Variants in OPRD1 observed in about 807,000 individuals in gnomAD.
The protein encoded by OPRD1 is opioid receptor delta 1.
In OPRD1, 19 loss-of-function variants were observed where a neutral mutation model predicts 17.5. The ratio of observed to expected loss-of-function variants is 1.09; its 90% CI spans 0.76 to 1.60. OPRD1 has a LOEUF of 1.60. Ranked by LOEUF, OPRD1 falls within the 40% of genes most tolerant of loss-of-function variation. The pLI, the probability that OPRD1 is intolerant of heterozygous loss-of-function variation, is 0.00. For missense variants in OPRD1, 483 were observed against 547.2 expected (o/e 0.88, Z 1.17); for synonymous variants, 256 against 240.9 (o/e 1.06, Z -0.58).
chr1:28,821,274 T>C (rs2088710587), intron 1 of OPRD1, among the ~76,000 whole-genome samples: 1 of 152,096 alleles, frequency 6.6e-6, no homozygotes, highest in African/African-American at 2.4e-5. Context: ...GGCTAATTTT[T>C]GTATTTTTAG....
Position 28,867,059 on chromosome 1 carries a change from G to A in OPRD1, c.*3776G>A, listed in dbSNP as rs533571147. 6 of 149,986 alleles carry A rather than the reference G, an allele frequency of 4.0e-5. No individual in the cohort carries two copies. The Admixed American group carries it at 4.0e-4, about 10-fold the overall frequency. The allele number at this position is 149,986 out of a possible 1,614,324, so 9.3% of individuals were successfully genotyped here. On this transcript the variant is annotated 3_prime_UTR_variant, in exon 3 of 3. Transcript: ENST00000234961. ...CTCTGTTGCCCAGTCTGGAGTGCAA[G>A]TGCAGTGGTGCAGTCATAGCTCACT...
chr1:28,870,178 A>T lies in OPRD1; in HGVS notation c.*6895A>T, dbSNP rs2089204446. 6.6e-6 allele frequency: 1 copy of T among 151,570 alleles called. No individual in the cohort carries two copies. Among genetic ancestry groups the T allele is most frequent in the Admixed American group, 6.6e-5 (1 of 15,230 alleles). The allele number at this position is 151,570 out of a possible 1,614,324, so 9.4% of individuals were successfully genotyped here. A position where few individuals can be genotyped will look rare whatever the true frequency, so the allele number is the denominator to read the frequency against. On this transcript the variant is annotated 3_prime_UTR_variant, in exon 3 of 3. Transcript: ENST00000234961. Reference sequence around the variant, plus strand: ...GCATAGTAAGTGCCCAATAAAATGCAGCTTTTTTCATATTATCTAATGTTT... The same window carrying T: ...GCATAGTAAGTGCCCAATAAAATGCTGCTTTTTTCATATTATCTAATGTTT...
intron 1 of OPRD1, among the ~76,000 whole-genome samples, chr1:28,829,624 C>A (rs1171195986): frequency 6.6e-6 from 1 of 152,174 alleles, no homozygotes; most frequent in Non-Finnish European, 1.5e-5. Context: ...CCACCTCGGC[C>A]TCCCAAAGTG....
chr1:28,859,013 C>A lies in OPRD1; in HGVS notation c.287C>A (p.Ala96Glu), dbSNP rs775632942. The part of the protein sequence containing the change: ...IYIFNLALAD[A>E]LATSTLPFQS... ...ATCTTCAACCTGGCCTTAGCCGATG[C>A]GCTGGCCACCAGCACGCTGCCTTTC... The change falls in exon 2 of 3, where the codon GCG becomes GAG. Residue 96 changes from alanine to glutamate, a missense_variant. Coordinates refer to ENST00000234961, the MANE Select transcript of OPRD1 (RefSeq NM_000911.4). 2 of 1,613,926 alleles carry A rather than the reference C, an allele frequency of 1.2e-6. No individual in the cohort carries two copies. The highest frequency in any genetic ancestry group is 2.2e-5 in the East Asian group (1 of 44,890).
At chr1:28,828,559 T>G (rs2088785596) in intron 1 of OPRD1, among the ~76,000 whole-genome samples, 1 of 151,962 alleles carries the variant, frequency 6.6e-6, no homozygotes, top group African/African-American at 2.4e-5. Context: ...CGGTGGCTCA[T>G]ACCTGTAATC....
chr1:28,823,256 G>A (rs1217842882), intron 1 of OPRD1, among the ~76,000 whole-genome samples: 1 of 147,688 alleles, frequency 6.8e-6, no homozygotes, highest in African/African-American at 2.5e-5. Context: ...GAGTGCAATG[G>A]TGCGATCTCG....
intron 1 of OPRD1, among the ~76,000 whole-genome samples, chr1:28,853,809 C>A (rs1220949894): frequency 6.7e-6 from 1 of 150,240 alleles, no homozygotes; most frequent in Non-Finnish European, 1.5e-5. Flanking sequence ...TGCAGTGGCG[C>A]AATCTCACTG....
chr1:28,834,555 T>G (rs2088834323), intron 1 of OPRD1, among the ~76,000 whole-genome samples: 1 of 151,686 alleles, frequency 6.6e-6, no homozygotes, highest in East Asian at 1.9e-4. Flanking sequence ...AATTTTTAAA[T>G]TTTTGATAAA....
intron 1 of OPRD1, among the ~76,000 whole-genome samples, chr1:28,818,436 C>T (rs1406290728): frequency 6.6e-6 from 1 of 152,142 alleles, no homozygotes; most frequent in Non-Finnish European, 1.5e-5. Context: ...AGGGAGTCTC[C>T]AGACCCAGCC....
At chr1:28,856,640 T>C (rs1254205816) in intron 1 of OPRD1, among the ~76,000 whole-genome samples, 1 of 152,172 alleles carries the variant, frequency 6.6e-6, no homozygotes, top group East Asian at 1.9e-4. Context: ...AAGGTCTGGC[T>C]CAGTGTATGC....
At chr1:28,820,225 C>T (rs204046) in intron 1 of OPRD1, among the ~76,000 whole-genome samples, 4,258 of 141,148 alleles carry the variant, frequency 0.03, 201 homozygotes, top group African/African-American at 0.11. Context: ...GAGATAGTCT[C>T]GCTCTGTTGC....
chr1:28,860,154 C>T (rs2089100035), intron 2 of OPRD1, among the ~76,000 whole-genome samples: 1 of 152,160 alleles, frequency 6.6e-6, no homozygotes, highest in African/African-American at 2.4e-5. Context: ...CACTTGAGGT[C>T]AGGAGTTCCA....
At chr1:28,849,791 A>C (rs1569640725) in intron 1 of OPRD1, among the ~76,000 whole-genome samples, 1 of 152,200 alleles carries the variant, frequency 6.6e-6, no homozygotes, top group Non-Finnish European at 1.5e-5. Flanking sequence ...ATGTCCCTGA[A>C]ATAAGATACT....
intron 1 of OPRD1, among the ~76,000 whole-genome samples, chr1:28,847,556 G>T (rs1387420762): frequency 2.0e-5 from 3 of 152,190 alleles, no homozygotes; most frequent in Non-Finnish European, 4.4e-5. Flanking sequence ...AATAAAGGCT[G>T]GGCACAATGG....
chr1:28,847,955 G>A (rs2124281803), intron 1 of OPRD1, among the ~76,000 whole-genome samples: 1 of 151,716 alleles, frequency 6.6e-6, no homozygotes, highest in South Asian at 2.1e-4. Flanking sequence ...CCCAGTTATT[G>A]GAAAAAAAAT....
In OPRD1 at chr1:28,870,515, T is replaced by A. The variant is rs550849887; in HGVS notation, c.*7232T>A. 2.1e-4 allele frequency: 32 copies of A among 152,426 alleles called. No homozygotes were observed. The highest frequency in any genetic ancestry group is 7.7e-4 in the African/African-American group (32 of 41,552). The allele number at this position is 152,426 out of a possible 1,614,324, so 9.4% of individuals were successfully genotyped here. A position where few individuals can be genotyped will look rare whatever the true frequency, so the allele number is the denominator to read the frequency against. ...ACCTCGGCCTCCCAAAGTGCTAGGA[T>A]TACAGGCATGAGCCACCGTGCCCAG... On this transcript the variant is annotated 3_prime_UTR_variant, in exon 3 of 3. Transcript: ENST00000234961.
chr1:28,847,226 G>A (rs797402), intron 1 of OPRD1, among the ~76,000 whole-genome samples: 64,280 of 151,732 alleles, frequency 0.42, 15,309 homozygotes, highest in East Asian at 0.87. Flanking sequence ...TAATTTTTAT[G>A]TTTTTAATAG....
chr1:28,850,610 A>T (rs2147745407), intron 1 of OPRD1, among the ~76,000 whole-genome samples: 1 of 152,118 alleles, frequency 6.6e-6, no homozygotes, highest in Admixed American at 6.6e-5. Flanking sequence ...TGCGTGAGCC[A>T]CTGTGCCCAA....
chr1:28,813,183 T>C (rs1376446406), intron 1 of OPRD1, among the ~76,000 whole-genome samples: 2 of 152,234 alleles, frequency 1.3e-5, no homozygotes, highest in Non-Finnish European at 2.9e-5. Flanking sequence ...TGTAACAATG[T>C]GACTGTTGTT....
Sources: gnomAD v4.1 joint callset for allele counts (sites outside exome capture counted in the v4.1 genomes callset) on GRCh38, gnomAD v4.1.1 for gene constraint, MANE v1.5 for transcripts, NCBI Gene and HGNC (gene_info 2026-07-23, HGNC 2026-07-21) for gene names.